CD276: variants seen among roughly 807,000 people sequenced by gnomAD.
CD276 encodes CD276 antigen.
A neutral mutation model predicts 50.0 loss-of-function variants in CD276; 34 were observed. The observed-to-expected ratio is 0.68, with a 90% confidence interval of 0.52 to 0.91. The LOEUF is 0.91. CD276 is among the 40% of genes least tolerant of loss of function. CD276 has a pLI of 0.00. For synonymous variants in CD276, 275 were observed against 313.0 expected (o/e 0.88, Z 1.28); for missense variants, 634 against 717.5 (o/e 0.88, Z 1.33).
At chr15:73,690,361 C>G (rs1025290756) in intron 1 of CD276, among the ~76,000 whole-genome samples, 2 of 152,176 alleles carry the variant, frequency 1.3e-5, no homozygotes, top group African/African-American at 2.4e-5. Context: ...TCTTACCTGG[C>G]TTTTCTGTCA....
At chr15:73,701,851 G>A (rs2141562773) in intron 2 of CD276, among the ~76,000 whole-genome samples, 1 of 152,336 alleles carries the variant, frequency 6.6e-6, no homozygotes, top group Middle Eastern at 3.4e-3. Context: ...TTACGCTCAT[G>A]GGGAAATGCA....
chr15:73,689,603 G>A (rs550161523), intron 1 of CD276, among the ~76,000 whole-genome samples: 14 of 152,246 alleles, frequency 9.2e-5, no homozygotes, highest in African/African-American at 3.4e-4. Flanking sequence ...TGCTCATTGA[G>A]TCCTATAATC....
Position 73,704,600 on chromosome 15 carries a change from G to T in CD276, c.1369+128G>T. 8.1e-7 allele frequency: 1 copy of T among 1,235,066 alleles called. No individual in the cohort carries two copies. The highest frequency in any genetic ancestry group is 1.5e-5 in the African/African-American group (1 of 66,838). 76.5% of individuals were successfully genotyped at this position (1,235,066 alleles called of 1,614,324 possible). Reference sequence around the variant, plus strand: ...AAAATCCCTTTCATAGACTTCAGGTGCTCACACTCTTCCCCACAAGTCCTT... The same window carrying T: ...AAAATCCCTTTCATAGACTTCAGGTTCTCACACTCTTCCCCACAAGTCCTT... On this transcript the variant is annotated intron_variant, in intron 6 of 9. Coordinates refer to ENST00000318443, the MANE Select transcript of CD276 (RefSeq NM_001024736.2). This position sits in a 1 kb window ranked among gnomAD's most constrained non-coding sequence, Gnocchi z 4.1.
At chr15:73,700,340 A>G (rs563600017) in intron 2 of CD276, among the ~76,000 whole-genome samples, 1 of 152,340 alleles carries the variant, frequency 6.6e-6, no homozygotes, top group African/African-American at 2.4e-5. Context: ...AGCTACTTTA[A>G]TAACAATATC....
rs374890808 is a variant in CD276 at position 73,704,257 on chromosome 15, G to T, written c.1154G>T (p.Ser385Ile). The part of the protein sequence containing the change: ...PGDTVTITCS[S>I]YRGYPEAEVF... ...GACACGGTGACCATCACGTGCTCCA[G>T]CTACCGGGGCTACCCTGAGGCTGAG... The change falls in exon 6 of 10, where the codon AGC (serine) becomes ATC (isoleucine). Residue 385 changes from serine (S) to isoleucine (I), a missense_variant. Physicochemically the swap from Ser to Ile is moderately radical, Grantham distance 142. Transcript: ENST00000318443. The surrounding 1 kb of genome is among the most constrained non-coding windows in gnomAD (Gnocchi z 4.1). The T allele has an allele frequency of 1.1e-5, 17 of 1,614,070 alleles. No homozygotes were observed. The African/African-American group carries it at 1.9e-4, about 18-fold the overall frequency.
intron 6 of CD276, among the ~76,000 whole-genome samples, chr15:73,707,937 A>G (rs1164464224): frequency 6.6e-6 from 1 of 152,186 alleles, no homozygotes; most frequent in Non-Finnish European, 1.5e-5. Flanking sequence ...TTCTGGAGAG[A>G]ATGGTTAGGA....
intron 3 of CD276, 29 bp downstream of exon 3, chr15:73,702,622 C>T (rs1426667528): frequency 6.3e-7 from 1 of 1,588,382 alleles, no homozygotes; most frequent in African/African-American, 1.3e-5. Context: ...ACGCCTTCCC[C>T]TTAGTTCACC....
chr15:73,700,182 G>A (rs918117386), intron 2 of CD276, among the ~76,000 whole-genome samples: 6 of 152,110 alleles, frequency 3.9e-5, no homozygotes, highest in Admixed American at 1.3e-4. Flanking sequence ...CCCACCTGGC[G>A]TTTGCTTGCT....
Position 73,704,230 on chromosome 15 carries a change from G to A in CD276, c.1127G>A (p.Gly376Glu). The A allele has an allele frequency of 6.2e-7, 1 of 1,614,134 alleles. No homozygotes were observed. The highest frequency in any genetic ancestry group is 1.1e-5 in the South Asian group (1 of 91,076). Residue 376 changes from glycine (G) to glutamate (E), a missense_variant, in exon 6 of 10, where the codon GGG (glycine) becomes GAG (glutamate). Coordinates refer to ENST00000318443, the MANE Select transcript of CD276 (RefSeq NM_001024736.2). This position sits in a 1 kb window ranked among gnomAD's most constrained non-coding sequence, Gnocchi z 4.1. ...GAGCCCAACAAGGACCTGCGGCCAG[G>A]GGACACGGTGACCATCACGTGCTCC... ...TLEPNKDLRP[G>E]DTVTITCSSY... is the part of the protein sequence containing the mutation.
chr15:73,699,122 G>T (rs77215296), intron 1 of CD276, among the ~76,000 whole-genome samples: 1 of 152,146 alleles, frequency 6.6e-6, no homozygotes, highest in Non-Finnish European at 1.5e-5. Context: ...CTCTGACCGT[G>T]TATTTCCCTT....
intron 1 of CD276, among the ~76,000 whole-genome samples, chr15:73,697,379 G>A (rs537638492): frequency 1.1e-4 from 16 of 151,682 alleles, no homozygotes; most frequent in South Asian, 6.3e-4. Context: ...GGAGGGTGGC[G>A]GGGGGCGGGT....
Position 73,703,782 on chromosome 15 carries a change from A to G in CD276, c.857A>G (p.Gln286Arg). ...CTGGCACAGCTCAACCTCATCTGGC[A>G]GCTGACAGACACCAAACAGCTGGTG... ...FSLAQLNLIW[Q>R]LTDTKQLVHS... The change falls in exon 5 of 10, where the codon CAG becomes CGG. Residue 286 changes from glutamine to arginine, a missense_variant. Physicochemically the swap from Gln to Arg is conservative, Grantham distance 43. Coordinates refer to ENST00000318443, the MANE Select transcript of CD276 (RefSeq NM_001024736.2). 6.2e-7 allele frequency: 1 copy of G among 1,613,680 alleles called. No individual in the cohort carries two copies. The highest frequency in any genetic ancestry group is 2.2e-5 in the East Asian group (1 of 44,872).
In CD276 at chr15:73,713,906, A is replaced by G; in HGVS notation, c.*950A>G. The G allele has an allele frequency of 2.6e-6, 1 of 386,368 alleles. No individual in the cohort carries two copies. 23.9% of individuals were successfully genotyped at this position (386,368 alleles called of 1,614,324 possible). On this transcript the variant is annotated 3_prime_UTR_variant, in exon 10 of 10. Coordinates refer to ENST00000318443, the MANE Select transcript of CD276 (RefSeq NM_001024736.2). The stretch of plus-strand genomic sequence containing the variant: ...TAGGTGCTGGGGGCCCTGCGTGGGA[A>G]GATAAAGTTCCTCCCTCAAGGACTC...
In CD276 at chr15:73,699,625, C is replaced by T; in HGVS notation, c.-15C>T. ...CCACCACGGGGAGCCCAGCTGTCAG[C>T]CGCCTCACAGGAAGATGCTGCGTCG... is the stretch of plus-strand genomic sequence containing the variant. On this transcript the variant is annotated 5_prime_UTR_variant, in exon 2 of 10. Transcript: ENST00000318443. 6.2e-7 allele frequency: 1 copy of T among 1,612,736 alleles called. No individual in the cohort carries two copies.
At chr15:73,693,044 G>A (rs1238778002) in intron 1 of CD276, among the ~76,000 whole-genome samples, 1 of 152,196 alleles carries the variant, frequency 6.6e-6, no homozygotes. Context: ...CCCTGGGGAT[G>A]AGATGGGTAG....
At position 73,703,741 on chromosome 15, in the gene CD276, C is replaced by A. The variant is rs545618183; in HGVS notation, c.816C>A (p.Pro272=). Residue 272 remains proline, a synonymous_variant, in exon 5 of 10, where the codon CCC becomes CCA. Coordinates refer to ENST00000318443, the MANE Select transcript of CD276 (RefSeq NM_001024736.2). ...CCACCCTGCGCTGCTCCTTCTCCCC[C>A]GAGCCTGGCTTCAGCCTGGCACAGC... is the stretch of plus-strand genomic sequence containing the variant. The part of the protein sequence containing the change: ...TDATLRCSFS[P]EPGFSLAQLN... 6.2e-7 allele frequency: 1 copy of A among 1,613,508 alleles called. No individual in the cohort carries two copies. The highest frequency in any genetic ancestry group is 1.1e-5 in the South Asian group (1 of 91,084).
In CD276 at chr15:73,699,607, G is replaced by A. The variant is rs201009986; in HGVS notation, c.-33G>A. 137 of 1,610,388 alleles carry A rather than the reference G, an allele frequency of 8.5e-5. 1 individual carries two copies. In the East Asian group the frequency reaches 2.7e-3, roughly 31 times the overall value. The stretch of plus-strand genomic sequence containing the variant: ...CCAGGCAGGGGCAGCCTTCCACCAC[G>A]GGGAGCCCAGCTGTCAGCCGCCTCA... On this transcript the variant is annotated 5_prime_UTR_variant, in exon 2 of 10. Transcript: ENST00000318443.
chr15:73,702,162 A>G (rs997270426), intron 2 of CD276, 93 bp from the exon 3 acceptor site: 4 of 1,012,522 alleles, frequency 4.0e-6, no homozygotes, highest in Non-Finnish European at 5.6e-6. Context: ...AGGGGTGGAC[A>G]GGGCCTGGGG....
intron 1 of CD276, among the ~76,000 whole-genome samples, chr15:73,689,078 C>T (rs118181194): frequency 7.4e-4 from 113 of 152,152 alleles, no homozygotes; most frequent in Non-Finnish European, 1.4e-3. Context: ...GTCTCATGTG[C>T]TCTCATCCCT....
Sources: gnomAD v4.1 joint callset for allele counts (sites outside exome capture counted in the v4.1 genomes callset) on GRCh38, gnomAD v4.1.1 for gene constraint, Gnocchi (gnomAD v3.1) non-coding constraint, MANE v1.5 for transcripts, NCBI Gene and HGNC (gene_info 2026-07-23, HGNC 2026-07-21) for gene names.